FSIP2: variants seen among roughly 807,000 people sequenced by gnomAD.
FSIP2 encodes fibrous sheath interacting protein 2, also known as fibrous sheath-interacting protein 2.
FSIP2 carries 367 observed loss-of-function variants against 510.5 expected under a neutral mutation model. The ratio of observed to expected loss-of-function variants is 0.72; its 90% CI spans 0.66 to 0.78. The LOEUF is 0.78. Ranked by LOEUF, FSIP2 falls within the 30% of genes least tolerant of loss-of-function variation. FSIP2 has a pLI of 0.00. For missense variants in FSIP2, 7,594 were observed against 7,901.7 expected, an observed-to-expected ratio of 0.96 and a Z score of 1.48; for synonymous variants, 2,601 against 2,732.2, an observed-to-expected ratio of 0.95 and a Z score of 1.50.
intron 16 of FSIP2, among the ~76,000 whole-genome samples, chr2:185,798,068 T>C (rs1693335416): frequency 6.6e-6 from 1 of 152,030 alleles, no homozygotes; most frequent in East Asian, 1.9e-4. Context: ...TTGAAGGATG[T>C]GTTGCTCAGT....
intron 13 of FSIP2, 93 bp from the exon 14 acceptor site, chr2:185,782,612 A>T (rs985925283): frequency 1.3e-6 from 1 of 766,066 alleles, no homozygotes; most frequent in East Asian, 2.7e-5. Flanking sequence ...CGAGGCAGTG[A>T]TAACAGAAAA....
intron 11 of FSIP2, 78 bp downstream of exon 11, chr2:185,762,095 T>G (rs1279821623): frequency 1.5e-6 from 1 of 679,090 alleles, no homozygotes; most frequent in Non-Finnish European, 2.4e-6. Context: ...TTTAAGTTGT[T>G]TTATCTGATT....
chr2:185,762,069 T>C (rs550454805), intron 11 of FSIP2, 52 bp downstream of exon 11: 35 of 800,718 alleles, frequency 4.4e-5, no homozygotes, highest in Non-Finnish European at 6.1e-5. Context: ...CATGCAATTA[T>C]AGTTTTATTA....
Position 185,794,861 on chromosome 2 carries a change from T to A in FSIP2, c.7725T>A (p.Asp2575Glu). The A allele has an allele frequency of 6.5e-7, 1 of 1,533,288 alleles. No homozygotes were observed. The highest frequency in any genetic ancestry group is 1.4e-5 in the African/African-American group (1 of 72,980). 95.0% of individuals were successfully genotyped at this position (1,533,288 alleles called of 1,614,324 possible). Residue 2575 changes from aspartate (D) to glutamate (E), a missense_variant, in exon 16 of 23, where the codon GAT (aspartate) becomes GAA (glutamate). Transcript: ENST00000424728. ...RTEVEISDHN[D>E]SLLMKPLRFR... ...AAGTTGAAATATCTGACCACAATGA[T>A]TCCTTACTAATGAAACCATTAAGGT... is the stretch of plus-strand genomic sequence containing the variant.
chr2:185,785,755 G>C (rs535444897), intron 14 of FSIP2, among the ~76,000 whole-genome samples: 1 of 152,062 alleles, frequency 6.6e-6, no homozygotes, highest in African/African-American at 2.4e-5. Context: ...TTAACCCATA[G>C]TTACTGAATA....
At position 185,807,860 on chromosome 2, in the gene FSIP2, A is replaced by G. The variant is rs767140938; in HGVS notation, c.18554A>G (p.Lys6185Arg). The G allele has an allele frequency of 6.2e-7, 1 of 1,609,836 alleles. No homozygotes were observed. Among genetic ancestry groups the G allele is most frequent in the South Asian group, 1.1e-5 (1 of 90,110 alleles). ...AACATAATAGAAGAAATTGCTGTGA[A>G]ATTTTTATCAAAGCTTTTATCTATA... ...SYNIIEEIAV[K>R]FLSKLLSIFP... Residue 6185 changes from lysine (K) to arginine (R), a missense_variant, in exon 17 of 23, where the codon AAA (lysine) becomes AGA (arginine). By Grantham distance (26) the Lys-to-Arg change is conservative (BLOSUM62 2). Coordinates refer to ENST00000424728, the MANE Select transcript of FSIP2 (RefSeq NM_173651.4).
chr2:185,759,830 G>A (rs1254534727), intron 9 of FSIP2, among the ~76,000 whole-genome samples: 2 of 150,336 alleles, frequency 1.3e-5, no homozygotes, highest in Non-Finnish European at 3.0e-5. Flanking sequence ...CAATTTCCTG[G>A]AAGAGTTTGT....
Position 185,789,198 on chromosome 2 carries a change from A to AATT in FSIP2, c.2063_2065dup (p.Asn688_Leu689insTyr). The AATT allele has an allele frequency of 6.5e-7, 1 of 1,534,448 alleles. No homozygotes were observed. Among genetic ancestry groups the AATT allele is most frequent in the Non-Finnish European group, 8.7e-7 (1 of 1,145,694 alleles). On this transcript the variant is annotated inframe_insertion, in exon 16 of 23. Transcript: ENST00000424728. ...AGCAAAAGCCATGGATGAAATGAAG[A>AATT]ATTTAAAAAATGTTTTTGTTAACTT...
chr2:185,816,973 AAAAAAG>A (rs1431434384), intron 19 of FSIP2, among the ~76,000 whole-genome samples: 2 of 108,392 alleles, frequency 1.8e-5, no homozygotes, highest in Non-Finnish European at 4.2e-5. Context: ...GAAGGAAAGA[AAAAAAG>A]AAAAGGAAGG....
At chr2:185,753,046 G>T (rs969079996) in intron 7 of FSIP2, among the ~76,000 whole-genome samples, 1 of 151,310 alleles carries the variant, frequency 6.6e-6, no homozygotes, top group African/African-American at 2.4e-5. Flanking sequence ...ACTGAGTTAA[G>T]ATCCATCTTA....
chr2:185,800,103 C>T lies in FSIP2; in HGVS notation c.10797C>T (p.Gly3599=). The T allele has an allele frequency of 6.5e-7, 1 of 1,533,830 alleles. No individual in the cohort carries two copies. Among genetic ancestry groups the T allele is most frequent in the South Asian group, 1.2e-5 (1 of 84,004 alleles). ...ACTGTCCAGGAATAGTTTCTGGTGGCTTTGATGACCTCTTTCAGGATCTCT... is the reference window on the plus strand; with the variant it reads ...ACTGTCCAGGAATAGTTTCTGGTGGTTTTGATGACCTCTTTCAGGATCTCT... The part of the protein sequence containing the change: ...YTYCPGIVSG[G]FDDLFQDLLV... The change falls in exon 17 of 23, where the codon GGC becomes GGT. Residue 3599 remains glycine, a synonymous_variant. Coordinates refer to ENST00000424728, the MANE Select transcript of FSIP2 (RefSeq NM_173651.4).
chr2:185,811,325 T>C (rs1376412571), intron 17 of FSIP2, among the ~76,000 whole-genome samples: 1 of 151,654 alleles, frequency 6.6e-6, no homozygotes, highest in African/African-American at 2.4e-5. Context: ...AAAAATTAGC[T>C]GGGCATGATG....
intron 21 of FSIP2, among the ~76,000 whole-genome samples, chr2:185,829,874 T>C (rs1694076354): frequency 6.6e-6 from 1 of 151,916 alleles, no homozygotes; most frequent in Non-Finnish European, 1.5e-5. Context: ...GAGTTAGGCA[T>C]TGAGGAAAAT....
At chr2:185,737,493 C>T (rs368738811), upstream of FSIP2, among the ~76,000 whole-genome samples, 4 of 152,060 alleles carry the variant, frequency 2.6e-5, no homozygotes, top group East Asian at 7.7e-4. Flanking sequence ...AGCGGCTTAA[C>T]CGGGAGAGTA....
Position 185,794,702 on chromosome 2 carries a change from A to G in FSIP2, c.7566A>G (p.Thr2522=). ...ANFISNSKIK[T]SDTTQKNSFQ... ...TTATATCTAATTCTAAGATTAAAAC[A>G]TCAGACACAACACAGAAAAACAGTT... The change falls in exon 16 of 23, where the codon ACA becomes ACG. Residue 2522 remains threonine, a synonymous_variant. Coordinates refer to ENST00000424728, the MANE Select transcript of FSIP2 (RefSeq NM_173651.4). 6.5e-7 allele frequency: 1 copy of G among 1,534,040 alleles called. No individual in the cohort carries two copies. The highest frequency in any genetic ancestry group is 1.2e-5 in the South Asian group (1 of 83,884).
In FSIP2 at chr2:185,803,810, C is replaced by G. The variant is rs1384332854; in HGVS notation, c.14504C>G (p.Ser4835Ter). 2.7e-6 allele frequency: 4 copies of G among 1,497,960 alleles called. No homozygotes were observed. The Admixed American group carries it at 6.4e-5, about 24-fold the overall frequency. The allele number at this position is 1,497,960 out of a possible 1,614,324, so 92.8% of individuals were successfully genotyped here. A position where few individuals can be genotyped will look rare whatever the true frequency, so the allele number is the denominator to read the frequency against. ...TVIKLINEIM[S>*]IISKHEICII... ...ATAAAACTGATAAATGAAATTATGT[C>G]AATAATTTCAAAACATGAAATATGT... The change falls in exon 17 of 23, where the codon TCA becomes TGA. Residue 4835 changes from serine (S) to a stop codon, truncating the protein, a stop_gained. Coordinates refer to ENST00000424728, the MANE Select transcript of FSIP2 (RefSeq NM_173651.4). LOFTEE classifies it high-confidence loss of function.
chr2:185,824,217 A>G (rs6760086), intron 19 of FSIP2, among the ~76,000 whole-genome samples: 16,902 of 151,934 alleles, frequency 0.11, 988 homozygotes, highest in Middle Eastern at 0.14. Flanking sequence ...TACACTTAAA[A>G]TGGTTAAAAT....
chr2:185,752,068 T>A (rs1002857671), intron 7 of FSIP2, among the ~76,000 whole-genome samples: 2 of 114,522 alleles, frequency 1.7e-5, no homozygotes, highest in Non-Finnish European at 4.1e-5. Context: ...TCTGCTATCA[T>A]TTTTTTTTCT....
At chr2:185,748,759 A>G (rs892735963) in intron 7 of FSIP2, among the ~76,000 whole-genome samples, 1 of 152,050 alleles carries the variant, frequency 6.6e-6, no homozygotes, top group African/African-American at 2.4e-5. Context: ...TGATAACACC[A>G]CAGGCTGCCT....
Sources: gnomAD v4.1 joint callset for allele counts (sites outside exome capture counted in the v4.1 genomes callset) on GRCh38, gnomAD v4.1.1 for gene constraint, MANE v1.5 for transcripts, NCBI Gene and HGNC (gene_info 2026-07-23, HGNC 2026-07-21) for gene names.